Variants in KCNMB2 observed in about 807,000 individuals in gnomAD.
KCNMB2 encodes the protein potassium calcium-activated channel subfamily M regulatory beta subunit 2.
In KCNMB2, 9 loss-of-function variants were observed where a neutral mutation model predicts 24.5. That is an observed-to-expected ratio of 0.37 (90% CI 0.22 to 0.64). The LOEUF (loss-of-function observed/expected upper bound fraction) is 0.64. KCNMB2 is among the 30% of genes least tolerant of loss of function. The pLI is 0.63. For missense variants in KCNMB2, 226 were observed against 284.3 expected (o/e 0.79, Z 1.47); for synonymous variants, 109 against 104.4 (o/e 1.04, Z -0.27).
intron 1 of KCNMB2, among the ~76,000 whole-genome samples, chr3:178,583,187 G>A (rs900100426): frequency 5.9e-5 from 9 of 152,126 alleles, no homozygotes; most frequent in South Asian, 4.2e-4. Flanking sequence ...TTGTTAATAC[G>A]TATTAAGATG....
chr3:178,744,596 C>T (rs1489217307), intron 1 of KCNMB2, among the ~76,000 whole-genome samples: 1 of 152,088 alleles, frequency 6.6e-6, no homozygotes, highest in Non-Finnish European at 1.5e-5. Context: ...CTTGTTTCTT[C>T]AAGATAGAGC....
At chr3:178,793,698 C>T (rs1177842512) in intron 1 of KCNMB2, among the ~76,000 whole-genome samples, 1 of 152,158 alleles carries the variant, frequency 6.6e-6, no homozygotes, top group East Asian at 1.9e-4. Context: ...AGGAGCCTGT[C>T]ATCCAGAAGT....
intron 1 of KCNMB2, among the ~76,000 whole-genome samples, chr3:178,647,661 A>C (rs1227633563): frequency 6.6e-6 from 1 of 152,228 alleles, no homozygotes; most frequent in African/African-American, 2.4e-5. Context: ...ATAATAGTTA[A>C]GTAGGCTTCC....
chr3:178,621,471 G>A (rs1267060458), intron 1 of KCNMB2, among the ~76,000 whole-genome samples: 2 of 146,442 alleles, frequency 1.4e-5, no homozygotes, highest in Non-Finnish European at 3.0e-5. Context: ...TTAAATATCT[G>A]CTTCCTCCAC....
intron 1 of KCNMB2, among the ~76,000 whole-genome samples, chr3:178,582,601 A>G (rs1717257167): frequency 6.6e-6 from 1 of 152,212 alleles, no homozygotes; most frequent in Admixed American, 6.5e-5. Context: ...TGGGTTGTCT[A>G]GTTTTACAAA....
intron 1 of KCNMB2, among the ~76,000 whole-genome samples, chr3:178,789,612 A>G (rs938432041): frequency 2.0e-5 from 3 of 152,178 alleles, no homozygotes; most frequent in African/African-American, 7.2e-5. Flanking sequence ...GAGCACAGTG[A>G]TTGTGGGACT....
At chr3:178,823,690 C>T (rs540488138) in intron 2 of KCNMB2, among the ~76,000 whole-genome samples, 28 of 152,246 alleles carry the variant, frequency 1.8e-4, no homozygotes, top group Middle Eastern at 3.4e-3. Context: ...AGAACAGATA[C>T]TGGCCATAAA....
Position 178,757,830 on chromosome 3 carries a change from C to CAAGAGGATATATATATATATAT in KCNMB2, c.-67-49512_-67-49511insAGAGGATATATATATATATATA, listed in dbSNP as rs1560005938. The stretch of plus-strand genomic sequence containing the variant: ...CCAAGAGGATATATATATACACATC[C>CAAGAGGATATATATATATATAT]ATCCAAGAGGATATATATATCCAAG... On this transcript the variant is annotated intron_variant, in intron 1 of 4. Coordinates refer to ENST00000452583, the MANE Select transcript of KCNMB2 (RefSeq NM_181361.3). Among the ~76,000 whole-genome samples the CAAGAGGATATATATATATATAT allele has an allele frequency of 4.3e-5, 2 of 46,182 alleles. 1 individual carries two copies. The highest frequency in any genetic ancestry group is 7.7e-5 in the Non-Finnish European group (2 of 26,132). 30.3% of individuals were successfully genotyped at this position (46,182 alleles called of 152,430 possible).
chr3:178,743,386 A>G (rs144334882), intron 1 of KCNMB2, among the ~76,000 whole-genome samples: 176 of 152,302 alleles, frequency 1.2e-3, no homozygotes, highest in African/African-American at 4.0e-3. Context: ...CTTCCTCCTT[A>G]AAGCACTATC....
At chr3:178,610,729 C>T (rs1718451200) in intron 1 of KCNMB2, among the ~76,000 whole-genome samples, 1 of 152,262 alleles carries the variant, frequency 6.6e-6, no homozygotes, top group East Asian at 1.9e-4. Flanking sequence ...AGTCAGGATG[C>T]CCATTATATC....
chr3:178,759,548 A>AGAGGATATATATATCTCTCTCCAC (rs1711612831), intron 1 of KCNMB2, among the ~76,000 whole-genome samples: 1 of 109,368 alleles, frequency 9.1e-6, no homozygotes, highest in African/African-American at 3.4e-5. Flanking sequence ...TCTCTCTCCA[A>AGAGGATATATATATCTCTCTCCAC]GAGGATATAT....
At chr3:178,599,084 T>C (rs1717986668) in intron 1 of KCNMB2, among the ~76,000 whole-genome samples, 1 of 152,098 alleles carries the variant, frequency 6.6e-6, no homozygotes, top group Non-Finnish European at 1.5e-5. Context: ...GTCCAGCAGA[T>C]GTGTGGAGAG....
chr3:178,637,318 C>T (rs9874283), intron 1 of KCNMB2, among the ~76,000 whole-genome samples: 104,443 of 152,064 alleles, frequency 0.69, 36,394 homozygotes, highest in African/African-American at 0.82. Flanking sequence ...TACACTCCCA[C>T]TAACATTGTA....
chr3:178,781,207 A>G (rs1382403471), intron 1 of KCNMB2, among the ~76,000 whole-genome samples: 1 of 112,486 alleles, frequency 8.9e-6, no homozygotes, highest in African/African-American at 2.6e-5. Flanking sequence ...TATATATGTG[A>G]CACATTCTAC....
chr3:178,825,486 G>T, intron 2 of KCNMB2, 102 bp from the exon 3 acceptor site: 1 of 915,890 alleles, frequency 1.1e-6, no homozygotes, highest in Non-Finnish European at 1.7e-6. Flanking sequence ...ACTGAAGCAG[G>T]TTTGGAGGGC....
chr3:178,757,306 A>G (rs1237746058), intron 1 of KCNMB2, among the ~76,000 whole-genome samples: 5 of 123,722 alleles, frequency 4.0e-5, no homozygotes, highest in African/African-American at 1.5e-4. Flanking sequence ...ATATATATAT[A>G]TCCATCCAAG....
intron 1 of KCNMB2, among the ~76,000 whole-genome samples, chr3:178,789,189 G>T (rs1437822530): frequency 6.6e-6 from 1 of 152,228 alleles, no homozygotes; most frequent in South Asian, 2.1e-4. Flanking sequence ...AACCTGAGCT[G>T]CTGTCCTCCT....
intron 1 of KCNMB2, among the ~76,000 whole-genome samples, chr3:178,601,324 C>A (rs1718077029): frequency 6.6e-6 from 1 of 151,828 alleles, no homozygotes; most frequent in South Asian, 2.1e-4. Context: ...TGCACATGTA[C>A]CCCAGAACTT....
At position 178,664,690 on chromosome 3, in the gene KCNMB2, G is replaced by A. The variant is rs114270230; in HGVS notation, c.-68+127979G>A. On this transcript the variant is annotated intron_variant, in intron 1 of 4. Coordinates refer to ENST00000452583, the MANE Select transcript of KCNMB2 (RefSeq NM_181361.3). The stretch of plus-strand genomic sequence containing the variant: ...CCCACAGTTAAAAGAAAGGAGAGAC[G>A]AAGGAAGGAAGAATGGGAAGAAGGA... 1.9e-3 allele frequency among the ~76,000 whole-genome samples: 287 copies of A among 151,992 alleles called. 1 individual carries two copies. Among genetic ancestry groups the A allele is most frequent in the African/African-American group, 6.5e-3 (269 of 41,470 alleles).
Sources: allele counts gnomAD v4.1 joint callset (sites outside exome capture counted in the v4.1 genomes callset), GRCh38; gene constraint gnomAD v4.1.1; transcripts MANE v1.5; gene names NCBI Gene and HGNC (gene_info 2026-07-23, HGNC 2026-07-21).